Variants in CASP5 observed in about 807,000 individuals in gnomAD.
CASP5 encodes caspase-5.
CASP5 carries 42 observed loss-of-function variants against 45.2 expected under a neutral mutation model. That is an observed-to-expected ratio of 0.93 (90% CI 0.73 to 1.20). The LOEUF is 1.20. Among genes scored for constraint, CASP5 ranks in the 50% most tolerant of loss-of-function variants. CASP5 has a pLI of 0.00. For synonymous variants in CASP5, 209 were observed against 186.2 expected (o/e 1.12, Z -1.00); for missense variants, 512 against 532.2 (o/e 0.96, Z 0.37).
intron 3 of CASP5, among the ~76,000 whole-genome samples, chr11:105,006,313 T>G (rs1218721378): frequency 6.6e-6 from 1 of 152,200 alleles, no homozygotes; most frequent in African/African-American, 2.4e-5. Context: ...CACTCTTTAT[T>G]GCATGCGTAT....
At chr11:105,017,674 G>A (rs959691179) in intron 1 of CASP5, among the ~76,000 whole-genome samples, 17 of 151,604 alleles carry the variant, frequency 1.1e-4, no homozygotes, top group African/African-American at 3.6e-4. Context: ...CCAAATCTAC[G>A]TCTGATTGGT....
At chr11:105,019,762 T>C (rs1425055099) in intron 1 of CASP5, among the ~76,000 whole-genome samples, 1 of 144,852 alleles carries the variant, frequency 6.9e-6, no homozygotes, top group East Asian at 1.9e-4. Context: ...TCTGAAACTA[T>C]TCCAATCAAT....
At chr11:105,004,721 G>A (rs1055878019) in intron 3 of CASP5, among the ~76,000 whole-genome samples, 2 of 152,016 alleles carry the variant, frequency 1.3e-5, no homozygotes, top group African/African-American at 4.8e-5. Context: ...TGATAAAAGC[G>A]TGAGTTCTGG....
chr11:105,000,141 T>C, intron 6 of CASP5, 120 bp downstream of exon 6: 6 of 1,034,734 alleles, frequency 5.8e-6, no homozygotes, highest in Non-Finnish European at 8.8e-6. Context: ...TTCTTCATAA[T>C]TCAATGTACT....
chr11:105,007,742 G>A (rs180884422), intron 2 of CASP5, among the ~76,000 whole-genome samples: 25 of 152,072 alleles, frequency 1.6e-4, no homozygotes, highest in Non-Finnish European at 2.6e-4. Flanking sequence ...ATACAATCTT[G>A]CCTCTTTGCT....
chr11:105,017,751 A>G (rs1278749320), intron 1 of CASP5, among the ~76,000 whole-genome samples: 1 of 152,166 alleles, frequency 6.6e-6, no homozygotes, highest in Non-Finnish European at 1.5e-5. Flanking sequence ...TATCCAGGAG[A>G]ACTTCCCCAA....
chr11:105,009,793 G>GTA (rs35037481), intron 1 of CASP5, among the ~76,000 whole-genome samples: 1,113 of 26,742 alleles, frequency 0.042, 12 homozygotes, highest in African/African-American at 0.052. Flanking sequence ...ATATACACAC[G>GTA]TATATATATA....
chr11:105,012,554 G>A (rs956345037), intron 1 of CASP5, among the ~76,000 whole-genome samples: 2 of 151,752 alleles, frequency 1.3e-5, no homozygotes, highest in Non-Finnish European at 3.0e-5. Flanking sequence ...CAAAATATAT[G>A]AGAAACACAA....
At chr11:105,016,456 G>C (rs536980889) in intron 1 of CASP5, among the ~76,000 whole-genome samples, 2 of 152,198 alleles carry the variant, frequency 1.3e-5, no homozygotes, top group Non-Finnish European at 2.9e-5. Context: ...TGCGTGCACC[G>C]TGTGCAAGCC....
In CASP5 at chr11:104,997,391, A is replaced by G; in HGVS notation, c.1198T>C (p.Phe400Leu). 2 of 1,602,810 alleles carry G rather than the reference A, an allele frequency of 1.2e-6. No homozygotes were observed. The highest frequency in any genetic ancestry group is 1.7e-6 in the Non-Finnish European group (2 of 1,169,830). Residue 400 changes from phenylalanine (F) to leucine (L), a missense_variant, in exon 8 of 10, where the codon TTT becomes CTT. Coordinates refer to ENST00000260315, the MANE Select transcript of CASP5 (RefSeq NM_004347.5). ...YSCCCHLMEIFRKVQKSFEVP... is the reference protein window; with the variant it reads ...YSCCCHLMEILRKVQKSFEVP... ...AGGAAATGGAAGCTTACCTTCCGAA[A>G]TATTTCCATTAGGTGGCAGCAGCAA...
intron 3 of CASP5, 149 bp from the exon 4 acceptor site, chr11:105,003,532 G>C (rs1231754070): frequency 1.9e-6 from 1 of 517,956 alleles, no homozygotes. Flanking sequence ...TCCAGCTTAA[G>C]GAAATGTGTT....
chr11:105,001,908 A>AC lies in CASP5; in HGVS notation c.717+119dup, dbSNP rs1565382127. ...TGCATGTGCGCATGTACACACACAC[A>AC]CACACACGCACACGAACCCAGAGGT... On this transcript the variant is annotated intron_variant, in intron 5 of 9. Coordinates refer to ENST00000260315, the MANE Select transcript of CASP5 (RefSeq NM_004347.5). The AC allele has an allele frequency of 2.4e-5, 21 of 865,668 alleles. No homozygotes were observed. The African/African-American group carries it at 3.1e-4, about 13-fold the overall frequency. The allele number at this position is 865,668 out of a possible 1,614,324, so 53.6% of individuals were successfully genotyped here.
intron 1 of CASP5, among the ~76,000 whole-genome samples, chr11:105,013,008 G>C (rs939689122): frequency 1.3e-5 from 2 of 151,990 alleles, no homozygotes; most frequent in African/African-American, 4.8e-5. Flanking sequence ...CAATAGGCAA[G>C]ATATAAAATC....
chr11:105,021,211 A>G (rs1265092109), intron 1 of CASP5, among the ~76,000 whole-genome samples: 1 of 151,586 alleles, frequency 6.6e-6, no homozygotes, highest in Non-Finnish European at 1.5e-5. Flanking sequence ...AAACCCTAGA[A>G]GAAAACCTAG....
intron 1 of CASP5, among the ~76,000 whole-genome samples, chr11:105,019,773 A>T (rs956945667): frequency 6.9e-6 from 1 of 145,080 alleles, no homozygotes; most frequent in Non-Finnish European, 1.5e-5. Flanking sequence ...TCCAATCAAT[A>T]GAAAAAGAGG....
chr11:105,023,037 C>T, intron 1 of CASP5, 93 bp downstream of exon 1: 1 of 1,187,362 alleles, frequency 8.4e-7, no homozygotes, highest in Non-Finnish European at 1.2e-6. Context: ...GTTGATTTCC[C>T]TTTTGGTATT....
intron 1 of CASP5, among the ~76,000 whole-genome samples, chr11:105,021,897 C>A (rs984026976): frequency 3.3e-5 from 5 of 149,348 alleles, no homozygotes; most frequent in African/African-American, 1.2e-4. Flanking sequence ...ATAGCAAAGA[C>A]TTGGAACCAA....
At chr11:105,001,909 C>T in intron 5 of CASP5, 119 bp downstream of exon 5, 1 of 883,644 alleles carries the variant, frequency 1.1e-6, no homozygotes, top group South Asian at 1.7e-5. Flanking sequence ...CACACACACA[C>T]ACACACGCAC....
chr11:105,001,537 G>A (rs45487693), intron 5 of CASP5, among the ~76,000 whole-genome samples: 1 of 152,278 alleles, frequency 6.6e-6, no homozygotes, highest in East Asian at 1.9e-4. Context: ...GTGGTGGCAC[G>A]CTCCTGTAGC....
Sources: allele counts gnomAD v4.1 joint callset (sites outside exome capture counted in the v4.1 genomes callset), GRCh38; gene constraint gnomAD v4.1.1; transcripts MANE v1.5; gene names NCBI Gene and HGNC (gene_info 2026-07-23, HGNC 2026-07-21).